FTO: variants seen among roughly 807,000 people sequenced by gnomAD.
FTO encodes the protein FTO alpha-ketoglutarate dependent dioxygenase, also known as alpha-ketoglutarate-dependent dioxygenase FTO.
FTO carries 47 observed loss-of-function variants against 63.9 expected under a neutral mutation model. That is an observed-to-expected ratio of 0.74 (90% CI 0.58 to 0.94). The LOEUF (loss-of-function observed/expected upper bound fraction) is 0.94. Ranked by LOEUF, FTO falls within the 40% of genes least tolerant of loss-of-function variation. The pLI is 0.00. For missense variants in FTO, 562 were observed against 618.1 expected (o/e 0.91, Z 0.96); for synonymous variants, 207 against 224.4 (o/e 0.92, Z 0.69).
In FTO at chr16:54,112,683, T is replaced by G. The variant is rs986343630; in HGVS notation, c.*768T>G. On this transcript the variant is annotated 3_prime_UTR_variant, in exon 9 of 9. Coordinates refer to ENST00000471389, the MANE Select transcript of FTO (RefSeq NM_001080432.3). Reference sequence around the variant, plus strand: ...ACAAACCTAAGTAAAAGCCTGAGCTTTGAGTCCTATGCTCAGCACACGGGA... The same window carrying G: ...ACAAACCTAAGTAAAAGCCTGAGCTGTGAGTCCTATGCTCAGCACACGGGA... The G allele has an allele frequency of 1.3e-5, 2 of 152,292 alleles. No homozygotes were observed. The highest frequency in any genetic ancestry group is 4.8e-5 in the African/African-American group (2 of 41,458). The allele number at this position is 152,292 out of a possible 1,614,324, so 9.4% of individuals were successfully genotyped here. A position where few individuals can be genotyped will look rare whatever the true frequency, so the allele number is the denominator to read the frequency against.
intron 2 of FTO, among the ~76,000 whole-genome samples, chr16:53,816,721 A>G (rs1167757598): frequency 6.6e-6 from 1 of 152,096 alleles, no homozygotes; most frequent in African/African-American, 2.4e-5. Flanking sequence ...AAGTAGGCAT[A>G]CTTACCCCAG....
chr16:53,787,457 G>T (rs2077780259), intron 1 of FTO, among the ~76,000 whole-genome samples: 1 of 151,246 alleles, frequency 6.6e-6, no homozygotes, highest in East Asian at 1.9e-4. Context: ...GGATACTAAG[G>T]ATTTTCCTGA....
chr16:53,946,348 AG>A (rs1393185108), intron 8 of FTO, among the ~76,000 whole-genome samples: 1 of 152,230 alleles, frequency 6.6e-6, no homozygotes, highest in East Asian at 1.9e-4. Flanking sequence ...TTTCTGAGAC[AG>A]GAGTGTTTGA....
intron 7 of FTO, among the ~76,000 whole-genome samples, chr16:53,927,850 G>C (rs151128768): frequency 2.0e-5 from 3 of 152,256 alleles, no homozygotes; most frequent in East Asian, 3.9e-4. Context: ...TCTGGCTTCT[G>C]GTACATAAAA....
At chr16:53,744,808 A>T (rs1173211029) in intron 1 of FTO, among the ~76,000 whole-genome samples, 3 of 117,322 alleles carry the variant, frequency 2.6e-5, no homozygotes, top group Non-Finnish European at 5.2e-5. Flanking sequence ...CTGTGACAGG[A>T]CTCTAAGGAC....
chr16:53,957,281 G>A (rs930001298), intron 8 of FTO, among the ~76,000 whole-genome samples: 1 of 152,186 alleles, frequency 6.6e-6, no homozygotes, highest in African/African-American at 2.4e-5. Flanking sequence ...TTGGCAATGT[G>A]ATATTTCAGC....
chr16:53,894,313 A>G (rs1192776630), intron 7 of FTO, among the ~76,000 whole-genome samples: 1 of 152,190 alleles, frequency 6.6e-6, no homozygotes, highest in Non-Finnish European at 1.5e-5. Context: ...CATAGGTTAC[A>G]CTTCATGTAG....
At chr16:53,748,325 C>A (rs1014108809) in intron 1 of FTO, among the ~76,000 whole-genome samples, 2 of 152,084 alleles carry the variant, frequency 1.3e-5, no homozygotes, top group Non-Finnish European at 2.9e-5. Context: ...GTTGTATCAT[C>A]TTCAGTATCT....
chr16:53,738,024 G>A (rs990837044), intron 1 of FTO, among the ~76,000 whole-genome samples: 1 of 121,696 alleles, frequency 8.2e-6, no homozygotes, highest in Non-Finnish European at 1.7e-5. Context: ...CACAATCGTA[G>A]CTTTTTTTTT....
intron 8 of FTO, among the ~76,000 whole-genome samples, chr16:53,986,000 C>A (rs1490905408): frequency 6.6e-6 from 1 of 152,080 alleles, no homozygotes; most frequent in Non-Finnish European, 1.5e-5. Context: ...GATTTAAGTC[C>A]TTTATTTTCT....
intron 4 of FTO, among the ~76,000 whole-genome samples, chr16:53,849,114 T>G (rs11076000): frequency 0.19 from 29,595 of 151,890 alleles, 3,042 homozygotes; most frequent in East Asian, 0.33. Context: ...CAGTTTAGGG[T>G]AGAGTTGTGA....
chr16:53,761,128 G>A (rs558540138), intron 1 of FTO, among the ~76,000 whole-genome samples: 35 of 148,254 alleles, frequency 2.4e-4, no homozygotes, highest in African/African-American at 8.7e-4. Flanking sequence ...ACAGGGTCTT[G>A]CTCTGTTGCC....
At chr16:54,031,936 G>A (rs1184834814) in intron 8 of FTO, among the ~76,000 whole-genome samples, 4 of 152,170 alleles carry the variant, frequency 2.6e-5, no homozygotes, top group African/African-American at 4.8e-5. Flanking sequence ...ATGAGAGTGG[G>A]AATAAGGTAG....
chr16:53,934,267 A>G (rs1225287107), intron 8 of FTO, among the ~76,000 whole-genome samples, 158 bp downstream of exon 8: 1 of 152,222 alleles, frequency 6.6e-6, no homozygotes, highest in Non-Finnish European at 1.5e-5. Context: ...TTTCCTGCCC[A>G]CGGCACCTAC....
chr16:53,905,467 G>T (rs1478651034), intron 7 of FTO, among the ~76,000 whole-genome samples: 1 of 152,106 alleles, frequency 6.6e-6, no homozygotes, highest in Non-Finnish European at 1.5e-5. Context: ...TTTTTGCTTT[G>T]AATCTACTTC....
chr16:54,009,321 C>T (rs1458534573), intron 8 of FTO, among the ~76,000 whole-genome samples: 3 of 152,140 alleles, frequency 2.0e-5, no homozygotes, highest in African/African-American at 7.2e-5. Flanking sequence ...ATTATTCTTA[C>T]AACTTCTCTG....
At chr16:53,727,656 A>G (rs1057105254) in intron 1 of FTO, among the ~76,000 whole-genome samples, 2 of 152,182 alleles carry the variant, frequency 1.3e-5, no homozygotes, top group African/African-American at 2.4e-5. Context: ...AAGTGTATGG[A>G]AAGTGTTGGT....
chr16:54,094,636 C>T (rs1437688537), intron 8 of FTO, among the ~76,000 whole-genome samples: 6 of 152,182 alleles, frequency 3.9e-5, no homozygotes, highest in South Asian at 2.1e-4. Flanking sequence ...GAGGCTTTGG[C>T]GTGATTCCTT....
intron 7 of FTO, among the ~76,000 whole-genome samples, chr16:53,910,880 A>T (rs2081674169): frequency 6.6e-6 from 1 of 152,174 alleles, no homozygotes; most frequent in African/African-American, 2.4e-5. Flanking sequence ...ATCAGTCTGG[A>T]TGACAGAGCT....
Sources: gnomAD v4.1 joint callset for allele counts (sites outside exome capture counted in the v4.1 genomes callset) on GRCh38, gnomAD v4.1.1 for gene constraint, MANE v1.5 for transcripts, NCBI Gene and HGNC (gene_info 2026-07-23, HGNC 2026-07-21) for gene names.